ARB2A: variants seen among roughly 807,000 people sequenced by gnomAD.
The protein encoded by ARB2A is ARB2 cotranscriptional regulator A.
At chr5:93,667,372 C>A in the ARB2A span, among the ~76,000 whole-genome samples, 2 of 152,188 alleles carry the variant, frequency 1.3e-5, no homozygotes, top group African/African-American at 4.8e-5. Flanking sequence ...TCCATTTTTA[C>A]ATATCTACAA....
the ARB2A span, among the ~76,000 whole-genome samples, chr5:93,888,419 C>A: frequency 6.6e-6 from 1 of 151,702 alleles, no homozygotes; most frequent in Admixed American, 6.6e-5. Flanking sequence ...TTTAGGAAAT[C>A]GAAAAGATAC....
At chr5:94,079,733 T>C in the ARB2A span, among the ~76,000 whole-genome samples, 1 of 152,200 alleles carries the variant, frequency 6.6e-6, no homozygotes, top group African/African-American at 2.4e-5. Flanking sequence ...GTATATTTAG[T>C]TTGCTATTCA....
chr5:93,982,673 T>C, the ARB2A span, among the ~76,000 whole-genome samples: 156 of 152,350 alleles, frequency 1.0e-3, 1 homozygote, highest in African/African-American at 3.3e-3. Context: ...TATAGCCTAC[T>C]ACTCCTAGGC....
the ARB2A span, among the ~76,000 whole-genome samples, chr5:94,106,883 A>C: frequency 7.9e-5 from 12 of 151,242 alleles, no homozygotes; most frequent in South Asian, 2.1e-3. Flanking sequence ...AAAAAAAAAA[A>C]AAAAAAAAAC....
chr5:94,087,987 A>G, the ARB2A span, among the ~76,000 whole-genome samples: 1 of 152,214 alleles, frequency 6.6e-6, no homozygotes, highest in Non-Finnish European at 1.5e-5. Context: ...TATCCCCAAC[A>G]TTAAGTGACT....
At chr5:93,960,423 T>C in the ARB2A span, among the ~76,000 whole-genome samples, 2 of 152,140 alleles carry the variant, frequency 1.3e-5, no homozygotes, top group African/African-American at 4.8e-5. Context: ...ATCTAACATA[T>C]TGTATGCTTT....
the ARB2A span, among the ~76,000 whole-genome samples, chr5:94,028,832 T>C: frequency 6.6e-6 from 1 of 152,204 alleles, no homozygotes; most frequent in Non-Finnish European, 1.5e-5. Flanking sequence ...AGTTTACATG[T>C]ATCTCCTAAG....
chr5:93,741,486 G>A, the ARB2A span: 1 of 1,613,200 alleles, frequency 6.2e-7, no homozygotes, highest in South Asian at 1.1e-5. Context: ...CAACCCGCAG[G>A]GGCATCGGCC....
the ARB2A span, among the ~76,000 whole-genome samples, chr5:93,839,771 G>C: frequency 6.6e-6 from 1 of 152,026 alleles, no homozygotes; most frequent in Non-Finnish European, 1.5e-5. Context: ...TATATGTCCA[G>C]GAATTTATCC....
At chr5:93,953,688 A>C in the ARB2A span, among the ~76,000 whole-genome samples, 1 of 152,064 alleles carries the variant, frequency 6.6e-6, no homozygotes, top group Non-Finnish European at 1.5e-5. Flanking sequence ...CGGTTCTACA[A>C]CCAGTCAGGC....
chr5:94,026,977 A>AT, the ARB2A span, among the ~76,000 whole-genome samples: 1 of 152,156 alleles, frequency 6.6e-6, no homozygotes, highest in Non-Finnish European at 1.5e-5. Flanking sequence ...AGGGTTTGAG[A>AT]TTTTTACTCT....
chr5:93,805,744 A>G, the ARB2A span: 3 of 985,140 alleles, frequency 3.0e-6, no homozygotes, highest in Non-Finnish European at 3.6e-6. Flanking sequence ...ATGTATACCT[A>G]TTTGTAGTTG....
the ARB2A span, among the ~76,000 whole-genome samples, chr5:93,726,615 G>A: frequency 1.3e-5 from 2 of 152,034 alleles, no homozygotes; most frequent in Admixed American, 6.6e-5. Context: ...AGGATCTACT[G>A]ATCCCAGAAG....
chr5:93,921,963 G>A, the ARB2A span, among the ~76,000 whole-genome samples: 3 of 152,156 alleles, frequency 2.0e-5, no homozygotes, highest in East Asian at 5.8e-4. Flanking sequence ...ATGTCGAGGT[G>A]GTCTACTTGC....
At chr5:93,922,931 T>C in the ARB2A span, among the ~76,000 whole-genome samples, 6 of 152,084 alleles carry the variant, frequency 3.9e-5, no homozygotes, top group Admixed American at 6.5e-5. Flanking sequence ...TATAGAAACA[T>C]TTTTAGAGAA....
At chr5:94,010,606 G>T in the ARB2A span, among the ~76,000 whole-genome samples, 1 of 152,104 alleles carries the variant, frequency 6.6e-6, no homozygotes, top group Non-Finnish European at 1.5e-5. Flanking sequence ...ATCTTGAAGG[G>T]ATCTCTAAAC....
At chr5:94,020,047 A>G in the ARB2A span, among the ~76,000 whole-genome samples, 1 of 152,234 alleles carries the variant, frequency 6.6e-6, no homozygotes, top group African/African-American at 2.4e-5. Flanking sequence ...GGATAAAGAA[A>G]TGCGGCACAT....
the ARB2A span, among the ~76,000 whole-genome samples, chr5:93,640,456 A>T: frequency 6.6e-6 from 1 of 152,038 alleles, no homozygotes; most frequent in African/African-American, 2.4e-5. Context: ...CTCAAAAAAA[A>T]AAAAGTTTAC....
chr5:94,007,805 C>T, the ARB2A span, among the ~76,000 whole-genome samples: 24 of 150,324 alleles, frequency 1.6e-4, no homozygotes, highest in African/African-American at 5.6e-4. Context: ...ACAAGACTCA[C>T]ATGTCTAAAA....
Sources: gnomAD v4.1 joint callset for allele counts (sites outside exome capture counted in the v4.1 genomes callset) on GRCh38, gnomAD v4.1.1 for gene constraint, MANE v1.5 for transcripts, NCBI Gene and HGNC (gene_info 2026-07-23, HGNC 2026-07-21) for gene names.